Variants in LRIF1 observed in about 807,000 individuals in gnomAD.
LRIF1 encodes the protein ligand-dependent nuclear receptor-interacting factor 1.
In LRIF1, 32 loss-of-function variants were observed where a neutral mutation model predicts 52.7. The observed-to-expected ratio is 0.61, with a 90% CI of 0.46 to 0.82. LRIF1 has a LOEUF of 0.82. LRIF1 is among the 40% of genes least tolerant of loss of function. The pLI is 0.00. For missense variants in LRIF1, 887 were observed against 892.0 expected (o/e 0.99, Z 0.07); for synonymous variants, 323 against 317.4 (o/e 1.02, Z -0.19).
the LRIF1 span, among the ~76,000 whole-genome samples, chr1:110,890,908 C>T: frequency 1.3e-5 from 2 of 152,228 alleles, no homozygotes; most frequent in Non-Finnish European, 2.9e-5. Context: ...TATGTTCCCC[C>T]TACTTTCATG....
Position 110,963,882 on chromosome 1 carries a change from C to A in LRIF1, c.-194G>T. On this transcript the variant is annotated 5_prime_UTR_variant, in exon 1 of 4. Transcript: ENST00000369763. ...ATCCCCAGGCTTCGGGACGAGGTCG[C>A]GCACCGCGCAGAAACCGGAAGGCTC... 1 of 451,530 alleles carries A rather than the reference C, an allele frequency of 2.2e-6. No individual in the cohort carries two copies. Among genetic ancestry groups the A allele is most frequent in the Non-Finnish European group, 4.1e-6 (1 of 242,352 alleles). The allele number at this position is 451,530 out of a possible 1,614,324, so 28.0% of individuals were successfully genotyped here.
intron 1 of LRIF1, among the ~76,000 whole-genome samples, chr1:110,959,683 G>A (rs1658865866): frequency 1.4e-5 from 2 of 146,612 alleles, no homozygotes; most frequent in Admixed American, 6.9e-5. Flanking sequence ...CCAGGAGGTC[G>A]AGGTTGCAGC....
the LRIF1 span, among the ~76,000 whole-genome samples, chr1:110,891,987 A>C: frequency 6.6e-6 from 1 of 152,346 alleles, no homozygotes; most frequent in Non-Finnish European, 1.5e-5. Flanking sequence ...TTCCTCAAGC[A>C]GGGCATCTTC....
chr1:110,958,165 A>G (rs1172046916), intron 1 of LRIF1, among the ~76,000 whole-genome samples: 1 of 152,192 alleles, frequency 6.6e-6, no homozygotes, highest in African/African-American at 2.4e-5. Context: ...CAATCTCTAC[A>G]ACAATACCAC....
the LRIF1 span, among the ~76,000 whole-genome samples, chr1:110,907,668 A>T: frequency 6.6e-6 from 1 of 152,200 alleles, no homozygotes; most frequent in African/African-American, 2.4e-5. Context: ...CGGGATGCAG[A>T]GGTTGCAGTG....
At chr1:110,920,162 C>T in the LRIF1 span, among the ~76,000 whole-genome samples, 5 of 152,142 alleles carry the variant, frequency 3.3e-5, no homozygotes, top group Admixed American at 6.5e-5. Flanking sequence ...ATGCTCTTAC[C>T]GCATGATCCA....
chr1:110,898,819 A>G, the LRIF1 span, among the ~76,000 whole-genome samples: 1 of 152,176 alleles, frequency 6.6e-6, no homozygotes, highest in Admixed American at 6.5e-5. Flanking sequence ...GAGATAACTC[A>G]TTGCACAGTG....
chr1:110,952,829 T>C lies in LRIF1; in HGVS notation c.69-14A>G. On this transcript the variant is annotated splice_polypyrimidine_tract_variant and intron_variant, in intron 1 of 3. Transcript: ENST00000369763. ...CAGCCTGAAACACTTAAAAGAACAT[T>C]GAGTAAATAAATACAACATACTACA... The C allele has an allele frequency of 6.5e-7, 1 of 1,527,370 alleles. No homozygotes were observed. 94.6% of individuals were successfully genotyped at this position (1,527,370 alleles called of 1,614,324 possible).
Position 110,951,593 on chromosome 1 carries a change from T to C in LRIF1, c.1291A>G (p.Asn431Asp), listed in dbSNP as rs746604415. 1.9e-6 allele frequency: 3 copies of C among 1,614,114 alleles called. No homozygotes were observed. The highest frequency in any genetic ancestry group is 2.5e-6 in the Non-Finnish European group (3 of 1,180,016). The change falls in exon 2 of 4, where the codon AAT becomes GAT. Residue 431 changes from asparagine to aspartate, a missense_variant. Transcript: ENST00000369763. ...SSQMETKSLS[N>D]TQLASMANLR... ...TTGGCCATGGAAGCAAGCTGGGTAT[T>C]GGAAAGTGATTTTGTCTCCATCTGG... is the stretch of plus-strand genomic sequence containing the variant.
In LRIF1 at chr1:110,959,065, G is replaced by A. The variant is rs111507335; in HGVS notation, c.68+4556C>T. ...TGTTTTCTGAAAGATCATATTCTGC[G>A]GGCTAATGTCAGAACTAAAACTAGA... On this transcript the variant is annotated intron_variant, in intron 1 of 3. Transcript: ENST00000369763. Among the ~76,000 whole-genome samples, 838 of 152,142 alleles carry A rather than the reference G, an allele frequency of 5.5e-3. 4 individuals are homozygous for A. The highest frequency in any genetic ancestry group is 0.018 in the African/African-American group (763 of 41,488).
the LRIF1 span, among the ~76,000 whole-genome samples, chr1:110,885,564 C>CA: frequency 6.2e-5 from 9 of 145,306 alleles, no homozygotes; most frequent in Non-Finnish European, 9.1e-5. Flanking sequence ...ACAACAACAA[C>CA]AAAAAAAGAG....
chr1:110,948,734 G>C lies in LRIF1; in HGVS notation c.1870-335C>G, dbSNP rs146502610. On this transcript the variant is annotated intron_variant, in intron 3 of 3. Coordinates refer to ENST00000369763, the MANE Select transcript of LRIF1 (RefSeq NM_018372.4). ...TTTTTTCTTTTCCTTTGCACAGCAG[G>C]CACATATGGAGGATTTTCATTCGAA... Among the ~76,000 whole-genome samples, 38 of 152,262 alleles carry C rather than the reference G, an allele frequency of 2.5e-4. No homozygotes were observed. The East Asian group carries it at 6.6e-3, about 26-fold the overall frequency.
At chr1:110,951,104 C>T (rs1257233416) in intron 2 of LRIF1, among the ~76,000 whole-genome samples, 184 bp downstream of exon 2, 1 of 152,136 alleles carries the variant, frequency 6.6e-6, no homozygotes, top group African/African-American at 2.4e-5. Flanking sequence ...AGATTGTACC[C>T]AACTGTACTC....
the LRIF1 span, chr1:110,895,092 A>T: frequency 6.8e-7 from 1 of 1,472,820 alleles, no homozygotes. Flanking sequence ...ATCAGCCCAG[A>T]CTTCATTTTC....
chr1:110,896,048 T>C, the LRIF1 span, among the ~76,000 whole-genome samples: 1 of 152,236 alleles, frequency 6.6e-6, no homozygotes, highest in Non-Finnish European at 1.5e-5. Flanking sequence ...GTGTTTATAT[T>C]TGAATGATAG....
At chr1:110,925,199 A>G in the LRIF1 span, among the ~76,000 whole-genome samples, 1 of 152,146 alleles carries the variant, frequency 6.6e-6, no homozygotes, top group Non-Finnish European at 1.5e-5. Context: ...TTCCCTCTAT[A>G]ATGTGGGTGA....
the LRIF1 span, among the ~76,000 whole-genome samples, chr1:110,877,474 A>G: frequency 6.6e-6 from 1 of 152,206 alleles, no homozygotes; most frequent in African/African-American, 2.4e-5. Flanking sequence ...TAACTGTTTT[A>G]GGTAACTGTT....
chr1:110,952,924 T>G (rs1658545273), intron 1 of LRIF1, 109 bp from the exon 2 acceptor site: 1 of 656,862 alleles, frequency 1.5e-6, no homozygotes, highest in Non-Finnish European at 2.1e-6. Context: ...AGTATATAAT[T>G]TTCCATTTTG....
chr1:110,955,477 T>C (rs1442615727), intron 1 of LRIF1, among the ~76,000 whole-genome samples: 1 of 152,244 alleles, frequency 6.6e-6, no homozygotes, highest in African/African-American at 2.4e-5. Flanking sequence ...CCTTCCATTA[T>C]TCTTAGAGTC....
Sources: gnomAD v4.1 joint callset for allele counts (sites outside exome capture counted in the v4.1 genomes callset) on GRCh38, gnomAD v4.1.1 for gene constraint, MANE v1.5 for transcripts, NCBI Gene and HGNC (gene_info 2026-07-23, HGNC 2026-07-21) for gene names.